PCBP3: variants seen among roughly 807,000 people sequenced by gnomAD.
The protein encoded by PCBP3 is poly(rC) binding protein 3.
Under a neutral mutation model 52.7 loss-of-function variants are expected in PCBP3, and 25 were observed. That is an observed-to-expected ratio of 0.47 (90% CI 0.35 to 0.66). The LOEUF (loss-of-function observed/expected upper bound fraction) is 0.66, where lower values mean the gene tolerates loss of function less well. Ranked by LOEUF, PCBP3 falls within the 30% of genes least tolerant of loss-of-function variation. The probability of loss-of-function intolerance (pLI) is 0.01; values close to 1 mark genes in which losing one functional copy is unlikely to be tolerated. For missense variants in PCBP3, 391 were observed against 490.3 expected (o/e 0.80, Z 1.91); for synonymous variants, 162 against 183.0 (o/e 0.89, Z 0.93).
intron 4 of PCBP3, among the ~76,000 whole-genome samples, chr21:45,787,174 A>G (rs1241662480): frequency 1.3e-5 from 2 of 152,194 alleles, no homozygotes; most frequent in African/African-American, 2.4e-5. Context: ...AAGATTTTGC[A>G]TGTGTTCATA....
chr21:45,723,018 A>T (rs1484847150), intron 2 of PCBP3, among the ~76,000 whole-genome samples: 3 of 152,130 alleles, frequency 2.0e-5, no homozygotes, highest in African/African-American at 7.2e-5. Context: ...GTCTCAAAAA[A>T]AAAAAATGTA....
rs368124336 is a variant in PCBP3 at position 45,828,905 on chromosome 21, C to T, written c.-125-21056C>T. 5.9e-5 allele frequency: 9 copies of T among 152,590 alleles called. No homozygotes were observed. The East Asian group carries it at 1.4e-3, about 23-fold the overall frequency. 9.5% of individuals were successfully genotyped at this position (152,590 alleles called of 1,614,324 possible). On this transcript the variant is annotated intron_variant, in intron 4 of 17. Coordinates refer to ENST00000681687, the MANE Select transcript of PCBP3 (RefSeq NM_001384156.1). The stretch of plus-strand genomic sequence containing the variant: ...TTGGGGGCTGGATGGAGGAGCTCCA[C>T]CTCTGTCCCCGTGCCCCCTAGCAGC...
At chr21:45,726,078 G>A (rs2085018275) in intron 2 of PCBP3, among the ~76,000 whole-genome samples, 1 of 151,470 alleles carries the variant, frequency 6.6e-6, no homozygotes, top group Admixed American at 6.6e-5. Context: ...GGTTAGGCCT[G>A]CTGAGATGTG....
In PCBP3 at chr21:45,817,362, C is replaced by T. The variant is rs1440157998; in HGVS notation, c.-125-32599C>T. On this transcript the variant is annotated intron_variant, in intron 4 of 17. Coordinates refer to ENST00000681687, the MANE Select transcript of PCBP3 (RefSeq NM_001384156.1). The surrounding 1 kb of genome is among the most constrained non-coding windows in gnomAD (Gnocchi z 4.3). Reference sequence around the variant, plus strand: ...CCACATGACATTTAGCGTGTCTGTTCACCTCATACTCCCCAGTAGTTCTGT... The same window carrying T: ...CCACATGACATTTAGCGTGTCTGTTTACCTCATACTCCCCAGTAGTTCTGT... 6.6e-6 allele frequency among the ~76,000 whole-genome samples: 1 copy of T among 152,160 alleles called. No homozygotes were observed.
chr21:45,770,402 C>T (rs2145788499), intron 4 of PCBP3, among the ~76,000 whole-genome samples: 1 of 152,288 alleles, frequency 6.6e-6, no homozygotes, highest in Non-Finnish European at 1.5e-5. Context: ...TCTGAAAGCA[C>T]ATAGCAGGCC....
intron 5 of PCBP3, among the ~76,000 whole-genome samples, chr21:45,864,213 G>A (rs1002478932): frequency 1.3e-5 from 2 of 152,188 alleles, no homozygotes; most frequent in Admixed American, 6.5e-5. Context: ...CTGCTTCTGT[G>A]GGTGAACGCT....
intron 5 of PCBP3, among the ~76,000 whole-genome samples, chr21:45,894,926 A>G (rs1356615323): frequency 6.6e-6 from 1 of 152,262 alleles, no homozygotes; most frequent in Non-Finnish European, 1.5e-5. Context: ...TAATACAAAT[A>G]CTATTACAGA....
intron 1 of PCBP3, among the ~76,000 whole-genome samples, chr21:45,659,159 T>A (rs1170725381): frequency 6.6e-6 from 1 of 151,898 alleles, no homozygotes; most frequent in Admixed American, 6.6e-5. Context: ...ATTTGTTTTT[T>A]TCTTTCTTCC....
intron 5 of PCBP3, among the ~76,000 whole-genome samples, chr21:45,868,947 C>T (rs1215332459): frequency 1.3e-5 from 2 of 152,210 alleles, no homozygotes; most frequent in African/African-American, 4.8e-5. Flanking sequence ...CACTTCTTCC[C>T]ATTGGAATTC....
chr21:45,766,395 G>A (rs370306107), intron 4 of PCBP3, among the ~76,000 whole-genome samples: 1 of 152,226 alleles, frequency 6.6e-6, no homozygotes, highest in Middle Eastern at 3.2e-3. Flanking sequence ...AATTTGAGAG[G>A]ACTATGGCCT....
intron 4 of PCBP3, among the ~76,000 whole-genome samples, chr21:45,822,684 C>T (rs184824251): frequency 6.6e-6 from 1 of 151,636 alleles, no homozygotes; most frequent in African/African-American, 2.4e-5. Context: ...CAGCAGGGGA[C>T]AGGGTTAGGA....
intron 5 of PCBP3, among the ~76,000 whole-genome samples, chr21:45,882,860 C>T (rs540886724): frequency 1.1e-4 from 17 of 152,290 alleles, no homozygotes; most frequent in South Asian, 6.2e-4. Context: ...CCAGGCTCTC[C>T]GCTCTCCTCC....
intron 14 of PCBP3, among the ~76,000 whole-genome samples, chr21:45,930,231 A>G (rs1299811253): frequency 6.6e-6 from 1 of 152,158 alleles, no homozygotes; most frequent in Non-Finnish European, 1.5e-5. Context: ...TGGCCTTGCC[A>G]TAGCCTTGCT....
At chr21:45,679,841 G>C (rs1257429430) in intron 2 of PCBP3, among the ~76,000 whole-genome samples, 3 of 152,174 alleles carry the variant, frequency 2.0e-5, no homozygotes, top group Non-Finnish European at 4.4e-5. Context: ...TTTTATATTT[G>C]AGTGTGCAAT....
rs191471383 is a variant in PCBP3, at chr21:45,690,974, G to A, written c.-200+22022G>A. Among the ~76,000 whole-genome samples, 342 of 152,092 alleles carry A rather than the reference G, an allele frequency of 2.2e-3. 2 individuals carry two copies. Among genetic ancestry groups the A allele is most frequent in the African/African-American group, 7.6e-3 (314 of 41,504 alleles). On this transcript the variant is annotated intron_variant, in intron 2 of 17. Coordinates refer to ENST00000681687, the MANE Select transcript of PCBP3 (RefSeq NM_001384156.1). ...ACAGATCCTTATAAAGCTAAATACC[G>A]TAGCACTTACCGTATACCACCTAAC...
chr21:45,908,623 C>T (rs2096265048), intron 9 of PCBP3, among the ~76,000 whole-genome samples: 1 of 150,766 alleles, frequency 6.6e-6, no homozygotes. Context: ...CGCTCTGCAG[C>T]GAGCTCCGGA....
chr21:45,683,439 G>C (rs1221124498), intron 2 of PCBP3, among the ~76,000 whole-genome samples: 2 of 152,164 alleles, frequency 1.3e-5, no homozygotes, highest in Admixed American at 6.5e-5. Context: ...AAAGTAAGGA[G>C]ATCTAAGGTG....
At chr21:45,727,732 T>C (rs370680018) in intron 2 of PCBP3, among the ~76,000 whole-genome samples, 28 of 152,256 alleles carry the variant, frequency 1.8e-4, no homozygotes, top group African/African-American at 6.5e-4. Flanking sequence ...GTGTGGGCTC[T>C]GGATTGGTGG....
intron 1 of PCBP3, among the ~76,000 whole-genome samples, chr21:45,658,286 GA>G (rs995575337): frequency 6.6e-6 from 1 of 152,026 alleles, no homozygotes; most frequent in Non-Finnish European, 1.5e-5. Context: ...TATATTGGTG[GA>G]TTCGGTTTTG....
Sources: gnomAD v4.1 joint callset for allele counts (sites outside exome capture counted in the v4.1 genomes callset) on GRCh38, gnomAD v4.1.1 for gene constraint, Gnocchi (gnomAD v3.1) non-coding constraint, MANE v1.5 for transcripts, NCBI Gene and HGNC (gene_info 2026-07-23, HGNC 2026-07-21) for gene names.